The following FNTA variants were observed in gnomAD, a reference collection of about 807,000 sequenced individuals.
The protein encoded by FNTA is protein farnesyltransferase/geranylgeranyltransferase type-1 subunit alpha.
A neutral mutation model predicts 55.2 loss-of-function variants in FNTA; 27 were observed. That is an observed-to-expected ratio of 0.49 (90% confidence interval 0.36 to 0.67). FNTA has a LOEUF of 0.67. Ranked by LOEUF, FNTA falls within the 30% of genes least tolerant of loss-of-function variation. The pLI is 0.00. For missense variants in FNTA, 422 were observed against 464.7 expected (o/e 0.91, Z 0.85); for synonymous variants, 176 against 170.7 (o/e 1.03, Z -0.24).
chr8:43,078,802 G>A (rs954002296), intron 6 of FNTA: 7 of 152,218 alleles, frequency 4.6e-5, no homozygotes, highest in African/African-American at 1.7e-4. Flanking sequence ...AGCTGAGATA[G>A]GTCCAAAGCT....
intron 5 of FNTA, among the ~76,000 whole-genome samples, chr8:43,074,738 G>GA (rs1810870976): frequency 6.6e-6 from 1 of 152,180 alleles, no homozygotes; most frequent in Non-Finnish European, 1.5e-5. Flanking sequence ...GAACAGATCA[G>GA]AGGTTGCCAG....
In FNTA at chr8:43,069,587, A is replaced by G. The variant is rs747697107; in HGVS notation, c.434A>G (p.Gln145Arg). ...CGGAGAGTTCTTTTGAAGTCACTTC[A>G]GAAGGATCTACATGAGGAAATGAAC... ...HFRRVLLKSL[Q>R]KDLHEEMNYI... The change falls in exon 4 of 9, where the codon CAG (glutamine) becomes CGG (arginine). Residue 145 changes from glutamine (Q) to arginine (R), a missense_variant. Around this residue, in one of 2 missense-constraint regions of FNTA, gnomAD observed 262 missense variants for 343.1 expected, o/e 0.76. Transcript: ENST00000302279. 1.3e-5 allele frequency: 21 copies of G among 1,613,462 alleles called. No homozygotes were observed. The highest frequency in any genetic ancestry group is 1.8e-5 in the Non-Finnish European group (21 of 1,179,532).
chr8:43,077,467 A>T (rs756893069), intron 6 of FNTA, 103 bp downstream of exon 6: 1 of 821,568 alleles, frequency 1.2e-6, no homozygotes, highest in African/African-American at 1.7e-5. Context: ...ACCCCATGGA[A>T]CTAAAAGAGG....
chr8:43,064,144 T>G lies in FNTA; in HGVS notation c.330T>G (p.Asp110Glu), dbSNP rs1253569781. The G allele has an allele frequency of 6.2e-7, 1 of 1,614,118 alleles. No homozygotes were observed. Among genetic ancestry groups the G allele is most frequent in the East Asian group, 2.2e-5 (1 of 44,884 alleles). Residue 110 changes from aspartate (D) to glutamate (E), a missense_variant, in exon 3 of 9, where the codon GAT (aspartate) becomes GAG (glutamate). Asp to Glu is a conservative substitution (Grantham distance 45). Coordinates refer to ENST00000302279, the MANE Select transcript of FNTA (RefSeq NM_002027.3). ...YDYFRAVLQR[D>E]ERSERAFKLT... ...ACTTCCGAGCTGTCCTGCAGCGTGA[T>G]GAAAGAAGTGAACGAGCTTTTAAGC...
intron 2 of FNTA, among the ~76,000 whole-genome samples, chr8:43,060,162 G>A (rs1437360174): frequency 1.3e-5 from 2 of 152,022 alleles, no homozygotes; most frequent in Admixed American, 1.3e-4. Context: ...ATAACTGCAC[G>A]GAAATGCAAA....
At chr8:43,077,733 A>G (rs551298068) in intron 6 of FNTA, 5 of 157,222 alleles carry the variant, frequency 3.2e-5, no homozygotes, top group Non-Finnish European at 7.0e-5. Flanking sequence ...GTAGGTGGCT[A>G]TCCTGTGTTT....
chr8:43,060,695 T>G (rs562938482), intron 2 of FNTA, among the ~76,000 whole-genome samples: 2 of 150,448 alleles, frequency 1.3e-5, no homozygotes, highest in African/African-American at 4.9e-5. Context: ...AAAAAAAAAT[T>G]AACTTTGTGA....
chr8:43,060,382 T>G (rs1226367056), intron 2 of FNTA, among the ~76,000 whole-genome samples: 3 of 152,136 alleles, frequency 2.0e-5, no homozygotes, highest in African/African-American at 7.2e-5. Context: ...AGGTATAAAA[T>G]TAACATTTTG....
At chr8:43,061,840 C>T (rs905560304) in intron 2 of FNTA, among the ~76,000 whole-genome samples, 15 of 151,998 alleles carry the variant, frequency 9.9e-5, no homozygotes, top group East Asian at 5.8e-4. Context: ...CTGCCTCAGC[C>T]GCCCGAGTAG....
chr8:43,080,924 A>G (rs1262306838), intron 6 of FNTA: 1 of 152,256 alleles, frequency 6.6e-6, no homozygotes, highest in Non-Finnish European at 1.5e-5. Context: ...GTTGCCAAAT[A>G]GAAACAGAAA....
At chr8:43,079,256 C>T in intron 6 of FNTA, 1 of 192,670 alleles carries the variant, frequency 5.2e-6, no homozygotes, top group South Asian at 1.3e-4. Flanking sequence ...GAAGAAGATG[C>T]CATCTAAGAC....
intron 5 of FNTA, chr8:43,077,010 T>C (rs932981610): frequency 5.1e-6 from 2 of 395,610 alleles, no homozygotes; most frequent in African/African-American, 2.1e-5. Context: ...TTTCCTGCTT[T>C]CTGTATGTGT....
intron 2 of FNTA, among the ~76,000 whole-genome samples, chr8:43,061,177 A>C (rs35601968): frequency 0.071 from 10,870 of 152,322 alleles, 587 homozygotes; most frequent in Middle Eastern, 0.16. Context: ...AGTTTGGTAT[A>C]TCTGTTAAAA....
At chr8:43,071,006 G>A (rs1586657559) in intron 4 of FNTA, among the ~76,000 whole-genome samples, 1 of 152,108 alleles carries the variant, frequency 6.6e-6, no homozygotes, top group South Asian at 2.1e-4. Flanking sequence ...TTCTGTCTAG[G>A]CTTTTGTTTT....
At chr8:43,080,471 C>T (rs888362672) in intron 6 of FNTA, 5 of 152,002 alleles carry the variant, frequency 3.3e-5, no homozygotes, top group African/African-American at 1.2e-4. Context: ...AGATATGATG[C>T]TATTGCATAC....
intron 2 of FNTA, among the ~76,000 whole-genome samples, chr8:43,061,048 C>A (rs1314013157): frequency 2.0e-5 from 3 of 152,158 alleles, no homozygotes; most frequent in Non-Finnish European, 4.4e-5. Flanking sequence ...CCATTTTCCA[C>A]CCATGATTTA....
At chr8:43,065,830 A>G (rs1586655250) in intron 3 of FNTA, among the ~76,000 whole-genome samples, 2 of 151,564 alleles carry the variant, frequency 1.3e-5, no homozygotes, top group East Asian at 3.9e-4. Context: ...ATTGAGTAGA[A>G]AGATGGAAAA....
At chr8:43,057,850 C>T (rs941062658) in intron 1 of FNTA, among the ~76,000 whole-genome samples, 1 of 150,530 alleles carries the variant, frequency 6.6e-6, no homozygotes, top group South Asian at 2.1e-4. Context: ...TCCAGCTACT[C>T]GGGAGGCTGA....
intron 6 of FNTA, chr8:43,077,911 T>G (rs1810946895): frequency 2.0e-5 from 3 of 152,234 alleles, no homozygotes. Context: ...ATTGTATCCA[T>G]AAACATTAGT....
Sources: allele counts gnomAD v4.1 joint callset (sites outside exome capture counted in the v4.1 genomes callset), GRCh38; gene constraint gnomAD v4.1.1; regional missense constraint gnomAD v4.1.1; transcripts MANE v1.5; gene names NCBI Gene and HGNC (gene_info 2026-07-23, HGNC 2026-07-21).